The following LOXHD1 variants were observed in gnomAD, a reference collection of about 807,000 sequenced individuals.
LOXHD1 encodes the protein lipoxygenase homology PLAT domains 1.
LOXHD1 carries 205 observed loss-of-function variants against 248.2 expected under a neutral mutation model. That is an observed-to-expected ratio of 0.83 (90% CI 0.74 to 0.93). The LOEUF (loss-of-function observed/expected upper bound fraction) is 0.93. Ranked by LOEUF, LOXHD1 falls within the 40% of genes least tolerant of loss-of-function variation. LOXHD1 has a pLI of 0.00. For missense variants in LOXHD1, 2,930 were observed against 2,971.6 expected, an observed-to-expected ratio of 0.99 and a Z score of 0.33; for synonymous variants, 1,113 against 1,162.8, an observed-to-expected ratio of 0.96 and a Z score of 0.87.
chr18:46,493,734 G>C (rs2033647798), intron 37 of LOXHD1, among the ~76,000 whole-genome samples: 1 of 152,210 alleles, frequency 6.6e-6, no homozygotes, highest in Admixed American at 6.5e-5. Flanking sequence ...TTTCAGGCAA[G>C]AGATGACAGT....
At chr18:46,580,923 G>C (rs1269983699) in intron 12 of LOXHD1, among the ~76,000 whole-genome samples, 1 of 152,206 alleles carries the variant, frequency 6.6e-6, no homozygotes, top group Non-Finnish European at 1.5e-5. Context: ...AGAAGGAATG[G>C]GAAGGAATAT....
intron 5 of LOXHD1, among the ~76,000 whole-genome samples, chr18:46,613,041 T>C (rs1412002760): frequency 6.6e-6 from 1 of 152,156 alleles, no homozygotes; most frequent in Non-Finnish European, 1.5e-5. Context: ...ATTGTTAGCA[T>C]TATTTTCATT....
chr18:46,604,734 G>A (rs1227012545), intron 6 of LOXHD1, among the ~76,000 whole-genome samples: 2 of 152,114 alleles, frequency 1.3e-5, no homozygotes, highest in Non-Finnish European at 2.9e-5. Flanking sequence ...TAAGGCTAAT[G>A]GACTCTATGA....
At chr18:46,562,860 CA>C (rs889486311) in intron 18 of LOXHD1, among the ~76,000 whole-genome samples, 3 of 152,114 alleles carry the variant, frequency 2.0e-5, no homozygotes, top group African/African-American at 7.2e-5. Context: ...AACATGAGGC[CA>C]GGGGTGGGAA....
At chr18:46,594,759 C>A (rs752751468) in intron 8 of LOXHD1, among the ~76,000 whole-genome samples, 7 of 152,228 alleles carry the variant, frequency 4.6e-5, no homozygotes, top group Non-Finnish European at 1.0e-4. Context: ...ATCATAAATT[C>A]TCAGTTAATC....
At chr18:46,522,817 A>G (rs572482118) in intron 31 of LOXHD1, among the ~76,000 whole-genome samples, 3 of 152,344 alleles carry the variant, frequency 2.0e-5, no homozygotes, top group African/African-American at 7.2e-5. Flanking sequence ...CACCAGATTA[A>G]TCAGCATAAA....
chr18:46,536,361 G>A (rs564310539), intron 26 of LOXHD1, among the ~76,000 whole-genome samples: 60 of 152,188 alleles, frequency 3.9e-4, no homozygotes, highest in African/African-American at 1.3e-3. Context: ...GCAATTCAGC[G>A]TTTTACCTCC....
In LOXHD1 at chr18:46,563,192, T is replaced by C. The variant is rs749896353; in HGVS notation, c.2471A>G (p.Asp824Gly). 8.6e-6 allele frequency: 13 copies of C among 1,520,378 alleles called. No homozygotes were observed. The South Asian group carries it at 1.5e-4, about 17-fold the overall frequency. 94.2% of individuals were successfully genotyped at this position (1,520,378 alleles called of 1,614,324 possible). A position where few individuals can be genotyped will look rare whatever the true frequency, so the allele number is the denominator to read the frequency against. ...GGCACTGGTGCCTGCGCCACCCACA[T>C]CTCCTGTCCAAATCTCAACCTCATA... ...VHYEVEIWTGDVGGAGTSARV... is the reference protein window; with the variant it reads ...VHYEVEIWTGGVGGAGTSARV... The change falls in exon 18 of 41, where the codon GAT becomes GGT. Residue 824 changes from aspartate (D) to glycine (G), a missense_variant. Asp to Gly is a moderately conservative substitution (Grantham distance 94). Coordinates refer to ENST00000642948, the MANE Select transcript of LOXHD1 (RefSeq NM_001384474.1).
chr18:46,519,077 T>C (rs2144098068), intron 33 of LOXHD1: 1 of 985,558 alleles, frequency 1.0e-6, no homozygotes, highest in Non-Finnish European at 1.2e-6. Context: ...GTTCTTCCTC[T>C]GTGAGGCAGC....
intron 37 of LOXHD1, among the ~76,000 whole-genome samples, chr18:46,501,008 A>C (rs2143812609): frequency 6.6e-6 from 1 of 152,242 alleles, no homozygotes; most frequent in Non-Finnish European, 1.5e-5. Context: ...TACTTGTTTA[A>C]TACATGTAGT....
chr18:46,527,226 T>A (rs1020215042), intron 29 of LOXHD1, among the ~76,000 whole-genome samples: 1 of 152,192 alleles, frequency 6.6e-6, no homozygotes, highest in Non-Finnish European at 1.5e-5. Flanking sequence ...TAATCCATAT[T>A]TATTGAATGC....
At chr18:46,623,736 C>A (rs941839516) in intron 4 of LOXHD1, among the ~76,000 whole-genome samples, 1 of 152,212 alleles carries the variant, frequency 6.6e-6, no homozygotes, top group African/African-American at 2.4e-5. Context: ...TGCCTGCCTG[C>A]GCCTGGTGCA....
rs1437862473 is a variant in LOXHD1, at chr18:46,479,232, A to ATGTGTG, written c.6342-1281_6342-1280insCACACA. On this transcript the variant is annotated intron_variant, in intron 40 of 40. Transcript: ENST00000642948. Reference sequence around the variant, plus strand: ...AGTTGAACAAAGAGTTTGTATATATATGTATGTGTGTGTGTGTGTGTGTGT... The same window carrying ATGTGTG: ...AGTTGAACAAAGAGTTTGTATATATATGTGTGTGTATGTGTGTGTGTGTGTGTGTGT... 6.6e-3 allele frequency among the ~76,000 whole-genome samples: 473 copies of ATGTGTG among 72,140 alleles called. 1 individual carries two copies. Among genetic ancestry groups the ATGTGTG allele is most frequent in the African/African-American group, 0.024 (452 of 18,510 alleles). The allele number at this position is 72,140 out of a possible 152,430, so 47.3% of individuals were successfully genotyped here.
intron 37 of LOXHD1, among the ~76,000 whole-genome samples, chr18:46,493,971 T>C (rs1255526591): frequency 2.0e-5 from 3 of 152,216 alleles, no homozygotes; most frequent in African/African-American, 7.2e-5. Flanking sequence ...TAAGCATCCC[T>C]TTGGCATTTC....
At chr18:46,611,037 T>C in intron 5 of LOXHD1, 113 bp from the exon 6 acceptor site, 1 of 1,267,218 alleles carries the variant, frequency 7.9e-7, no homozygotes, top group South Asian at 1.5e-5. Flanking sequence ...AAGGGCAACT[T>C]CCTCCTGAGA....
rs950887925 is a variant in LOXHD1, at chr18:46,618,229, A to T, written c.573T>A (p.Asp191Glu). 9.0e-6 allele frequency: 14 copies of T among 1,551,424 alleles called. No individual in the cohort carries two copies. The highest frequency in any genetic ancestry group is 1.4e-5 in the African/African-American group (1 of 73,056). Residue 191 changes from aspartate to glutamate, a missense_variant, in exon 5 of 41, where the codon GAT becomes GAA. Coordinates refer to ENST00000642948, the MANE Select transcript of LOXHD1 (RefSeq NM_001384474.1). ...GDVIGAGTDA[D>E]VFINIFGEYG... ...ACTCTCCAAAAATATTGATGAAGAC[A>T]TCAGCATCTGTCCCTGCACCAATTA...
At chr18:46,610,947 G>T (rs1382568247) in intron 5 of LOXHD1, 23 bp from the exon 6 acceptor site, 3 of 1,548,448 alleles carry the variant, frequency 1.9e-6, no homozygotes, top group Non-Finnish European at 2.6e-6. Context: ...ACATACAAAA[G>T]AAATTACAAA....
chr18:46,597,579 C>CA (rs1391938426), intron 8 of LOXHD1, among the ~76,000 whole-genome samples: 1 of 150,356 alleles, frequency 6.7e-6, no homozygotes, highest in African/African-American at 2.4e-5. Context: ...CACACACACA[C>CA]CCCTACCTGT....
Position 46,559,565 on chromosome 18 carries a change from C to G in LOXHD1, c.3099G>C (p.Val1033=). Residue 1033 remains valine (V), a synonymous_variant, in exon 20 of 41, where the codon GTG becomes GTC. Coordinates refer to ENST00000642948, the MANE Select transcript of LOXHD1 (RefSeq NM_001384474.1). ...CGTTAGCATCAGTGCCGGCCTTGGG[C>G]ACATTCCCCGTGACCACCTGAACCT... ...TYEVQVVTGN[V]PKAGTDANVY... is the part of the protein sequence containing the mutation. The G allele has an allele frequency of 6.4e-7, 1 of 1,551,902 alleles. No homozygotes were observed. The highest frequency in any genetic ancestry group is 1.2e-5 in the South Asian group (1 of 84,062).
Sources: allele counts gnomAD v4.1 joint callset (sites outside exome capture counted in the v4.1 genomes callset), GRCh38; gene constraint gnomAD v4.1.1; transcripts MANE v1.5; gene names NCBI Gene and HGNC (gene_info 2026-07-23, HGNC 2026-07-21).